Variants in RORA observed in about 807,000 individuals in gnomAD.
RORA encodes the protein RAR related orphan receptor A, also known as nuclear receptor ROR-alpha.
In RORA, 7 loss-of-function variants were observed where a neutral mutation model predicts 69.5. The ratio of observed to expected loss-of-function variants is 0.10; its 90% CI spans 0.06 to 0.19. The LOEUF is 0.19. Ranked by LOEUF, RORA falls within the 10% of genes least tolerant of loss-of-function variation. RORA has a pLI of 1.00. For synonymous variants in RORA, 261 were observed against 240.8 expected, an observed-to-expected ratio of 1.08 and a Z score of -0.78; for missense variants, 457 against 663.0, an observed-to-expected ratio of 0.69 and a Z score of 3.41.
At chr15:60,529,939 G>A (rs2066480036) in intron 3 of RORA, 1 of 152,204 alleles carries the variant, frequency 6.6e-6, no homozygotes, top group African/African-American at 2.4e-5. Flanking sequence ...TTTTTGGGCA[G>A]AATGAAGGGA....
At chr15:60,920,804 A>G in intron 1 of RORA, among the ~76,000 whole-genome samples, 1 of 152,210 alleles carries the variant, frequency 6.6e-6, no homozygotes, top group Non-Finnish European at 1.5e-5. Context: ...AATTATGTTC[A>G]TGTTTCTCTC....
chr15:60,875,206 G>A (rs1193264939), intron 1 of RORA, among the ~76,000 whole-genome samples: 1 of 152,100 alleles, frequency 6.6e-6, no homozygotes, highest in Non-Finnish European at 1.5e-5. Context: ...ACCTAGAACA[G>A]TGCCTGGTAC....
In RORA at chr15:60,502,877, G is replaced by A; in HGVS notation, c.1076-10C>T. On this transcript the variant is annotated splice_polypyrimidine_tract_variant and intron_variant, in intron 7 of 10. Transcript: ENST00000335670. ...ACCACCTCTAGAGAACCTAAGCAGA[G>A]GCAGAAATGGTTTGGGTCATTTGGG... The A allele has an allele frequency of 6.3e-7, 1 of 1,584,930 alleles. No individual in the cohort carries two copies. The highest frequency in any genetic ancestry group is 8.7e-7 in the Non-Finnish European group (1 of 1,153,376).
intron 1 of RORA, among the ~76,000 whole-genome samples, chr15:60,704,323 G>A (rs1241065979): frequency 6.6e-6 from 1 of 152,258 alleles, no homozygotes; most frequent in African/African-American, 2.4e-5. Context: ...GAAGGGTGTT[G>A]CTGCCCTCCC....
In RORA at chr15:61,212,752, T is replaced by C. The variant is rs115452847; in HGVS notation, c.166+16301A>G. Among the ~76,000 whole-genome samples the C allele has an allele frequency of 2.8e-3, 432 of 152,276 alleles. 3 individuals are homozygous for C. Among genetic ancestry groups the C allele is most frequent in the African/African-American group, 0.01 (421 of 41,546 alleles). ...GTCTCCAAGTCCCAATCCACTTTTG[T>C]GAGAGACTTTTCTTTGTCATCGTAC... On this transcript the variant is annotated intron_variant, in intron 1 of 10. Transcript: ENST00000335670.
chr15:61,142,695 C>A (rs1415544948), intron 1 of RORA, among the ~76,000 whole-genome samples: 2 of 152,162 alleles, frequency 1.3e-5, no homozygotes, highest in East Asian at 3.8e-4. Context: ...ATACCAGGAT[C>A]ATTCAAGAAC....
Position 60,689,412 on chromosome 15 carries a change from T to C in RORA, c.167-10726A>G, listed in dbSNP as rs1462423393. ...GGTTCTTTTGGAGATTGACATACCT[T>C]GTTATATTTTGATTGATTTCAACTA... On this transcript the variant is annotated intron_variant, in intron 1 of 10. Transcript: ENST00000335670. Among the ~76,000 whole-genome samples the C allele has an allele frequency of 2.6e-5, 4 of 152,152 alleles. No homozygotes were observed. The South Asian group carries it at 6.2e-4, about 24-fold the overall frequency.
chr15:61,049,285 G>C (rs922628366), intron 1 of RORA, among the ~76,000 whole-genome samples: 1 of 152,196 alleles, frequency 6.6e-6, no homozygotes, highest in African/African-American at 2.4e-5. Context: ...TTGGAGCTCA[G>C]CACAGAGATG....
intron 2 of RORA, among the ~76,000 whole-genome samples, chr15:60,573,575 T>C (rs1417050436): frequency 6.6e-6 from 1 of 152,198 alleles, no homozygotes; most frequent in Non-Finnish European, 1.5e-5. Flanking sequence ...ACAACTCCCG[T>C]AGAATGAGGG....
At chr15:60,851,304 T>A (rs1400341762) in intron 1 of RORA, among the ~76,000 whole-genome samples, 1 of 152,164 alleles carries the variant, frequency 6.6e-6, no homozygotes, top group Non-Finnish European at 1.5e-5. Context: ...GCTTCCACAA[T>A]CTTATGTGTG....
intron 1 of RORA, among the ~76,000 whole-genome samples, chr15:61,057,333 G>C (rs1053006275): frequency 1.3e-5 from 2 of 152,104 alleles, no homozygotes; most frequent in African/African-American, 4.8e-5. Flanking sequence ...GTTTCTTATT[G>C]TCAAGCCCCC....
intron 1 of RORA, among the ~76,000 whole-genome samples, chr15:60,844,388 A>G (rs1451197475): frequency 6.6e-6 from 1 of 152,214 alleles, no homozygotes; most frequent in African/African-American, 2.4e-5. Context: ...CCCAAATGGA[A>G]AAGCCAATGA....
chr15:60,999,288 A>G (rs918613958), intron 1 of RORA, among the ~76,000 whole-genome samples: 2 of 152,132 alleles, frequency 1.3e-5, no homozygotes, highest in Admixed American at 6.5e-5. Context: ...TGCTGTGGGA[A>G]GTTTCCCAGG....
At chr15:60,497,919 C>T (rs2065212112) in intron 10 of RORA, among the ~76,000 whole-genome samples, 1 of 151,902 alleles carries the variant, frequency 6.6e-6, no homozygotes, top group African/African-American at 2.4e-5. Flanking sequence ...ATTAGCTAGG[C>T]ATGGCAGCGT....
intron 2 of RORA, among the ~76,000 whole-genome samples, chr15:60,672,058 G>A (rs569955433): frequency 4.6e-5 from 7 of 152,252 alleles, no homozygotes; most frequent in African/African-American, 1.2e-4. Context: ...CTACACTCCC[G>A]CTTGGCCAAC....
At chr15:61,059,261 C>G (rs933046256) in intron 1 of RORA, among the ~76,000 whole-genome samples, 3 of 152,160 alleles carry the variant, frequency 2.0e-5, no homozygotes, top group Non-Finnish European at 4.4e-5. Context: ...AATGTCATTC[C>G]CAGTTGCTGT....
intron 1 of RORA, among the ~76,000 whole-genome samples, chr15:60,858,476 G>T (rs919641343): frequency 2.0e-5 from 3 of 152,200 alleles, no homozygotes; most frequent in African/African-American, 7.2e-5. Context: ...CACCCAGTAT[G>T]GTTCAGAAGG....
At chr15:61,199,924 G>A (rs1334050310) in intron 1 of RORA, among the ~76,000 whole-genome samples, 1 of 152,216 alleles carries the variant, frequency 6.6e-6, no homozygotes, top group Non-Finnish European at 1.5e-5. Context: ...TGGGTGAAGG[G>A]TGGAGGGTGA....
chr15:60,663,788 A>G (rs1385377058), intron 2 of RORA, among the ~76,000 whole-genome samples: 2 of 152,222 alleles, frequency 1.3e-5, no homozygotes, highest in Non-Finnish European at 1.5e-5. Context: ...AGGCTTTGCT[A>G]TTGAAAATAA....
Sources: gnomAD v4.1 joint callset for allele counts (sites outside exome capture counted in the v4.1 genomes callset) on GRCh38, gnomAD v4.1.1 for gene constraint, MANE v1.5 for transcripts, NCBI Gene and HGNC (gene_info 2026-07-23, HGNC 2026-07-21) for gene names.